The following CA1 variants were observed in gnomAD, a reference collection of about 807,000 sequenced individuals.
CA1 encodes the protein carbonic anhydrase 1, also known as carbonate dehydratase I.
A neutral mutation model predicts 28.8 loss-of-function variants in CA1; 27 were observed. That is an observed-to-expected ratio of 0.94 (90% CI 0.69 to 1.29). CA1 has a LOEUF of 1.29. CA1 is among the 50% of genes most tolerant of loss of function. CA1 has a pLI of 0.00. For missense variants in CA1, 335 were observed against 310.5 expected, an observed-to-expected ratio of 1.08 and a Z score of -0.59; for synonymous variants, 121 against 108.8, an observed-to-expected ratio of 1.11 and a Z score of -0.70.
chr8:85,330,452 ACT>A (rs1168886185), intron 6 of CA1, among the ~76,000 whole-genome samples: 2 of 151,980 alleles, frequency 1.3e-5, no homozygotes, highest in African/African-American at 4.8e-5. Context: ...CATAATATGT[ACT>A]CTTTCATTAT....
intron 1 of CA1, among the ~76,000 whole-genome samples, chr8:85,369,755 C>T (rs1410248943): frequency 6.6e-6 from 1 of 151,828 alleles, no homozygotes; most frequent in Non-Finnish European, 1.5e-5. Context: ...GGAACCCTGG[C>T]ACTATGGTGG....
chr8:85,368,590 T>A (rs1810101431), intron 1 of CA1, among the ~76,000 whole-genome samples: 1 of 152,210 alleles, frequency 6.6e-6, no homozygotes, highest in African/African-American at 2.4e-5. Context: ...TTTTAATGAT[T>A]GTTTCATTGT....
chr8:85,373,020 T>G (rs1210267011), intron 1 of CA1, among the ~76,000 whole-genome samples: 4 of 152,196 alleles, frequency 2.6e-5, no homozygotes, highest in Admixed American at 2.6e-4. Flanking sequence ...AGTGAAAATT[T>G]GAAAGCTCTT....
At chr8:85,370,992 A>T (rs1810201897) in intron 1 of CA1, among the ~76,000 whole-genome samples, 1 of 152,202 alleles carries the variant, frequency 6.6e-6, no homozygotes, top group Non-Finnish European at 1.5e-5. Context: ...TGCATTTAAC[A>T]TATGACACAG....
chr8:85,372,913 A>T (rs886629947), intron 1 of CA1, among the ~76,000 whole-genome samples: 1 of 152,154 alleles, frequency 6.6e-6, no homozygotes, highest in African/African-American at 2.4e-5. Context: ...CTTGTGTTCA[A>T]GTAACCCTTA....
chr8:85,335,331 T>A (rs1808603077), intron 4 of CA1, among the ~76,000 whole-genome samples: 1 of 152,158 alleles, frequency 6.6e-6, no homozygotes. Context: ...ACATGCAACA[T>A]GAAAGGTGCT....
chr8:85,350,582 C>T (rs1418792409), intron 1 of CA1, among the ~76,000 whole-genome samples: 1 of 152,178 alleles, frequency 6.6e-6, no homozygotes, highest in African/African-American at 2.4e-5. Context: ...CTTTGTGCAA[C>T]TGCCTGAGGG....
chr8:85,361,071 A>G (rs1585957323), intron 1 of CA1, among the ~76,000 whole-genome samples: 2 of 152,098 alleles, frequency 1.3e-5, no homozygotes, highest in East Asian at 1.9e-4. Context: ...TGAGAACTGG[A>G]CCTTAGAGGC....
intron 1 of CA1, among the ~76,000 whole-genome samples, chr8:85,350,605 G>A (rs938972153): frequency 3.9e-5 from 6 of 152,248 alleles, no homozygotes; most frequent in Non-Finnish European, 7.4e-5. Flanking sequence ...GCAAAATGAG[G>A]GGATGACATG....
intron 1 of CA1, among the ~76,000 whole-genome samples, chr8:85,350,079 A>C (rs1809347720): frequency 6.6e-6 from 1 of 152,176 alleles, no homozygotes; most frequent in African/African-American, 2.4e-5. Context: ...TCTTATTCTG[A>C]ATTTCCTGTT....
At chr8:85,347,396 C>G (rs75396359) in intron 1 of CA1, among the ~76,000 whole-genome samples, 8,370 of 152,224 alleles carry the variant, frequency 0.055, 778 homozygotes, top group African/African-American at 0.19. Context: ...AGTTAGATGA[C>G]TCCACCCTCA....
chr8:85,372,867 C>T (rs1378554886), intron 1 of CA1, among the ~76,000 whole-genome samples: 1 of 152,136 alleles, frequency 6.6e-6, no homozygotes, highest in Non-Finnish European at 1.5e-5. Context: ...TAGTAGTCTT[C>T]TCAGTTATCA....
intron 1 of CA1, among the ~76,000 whole-genome samples, chr8:85,364,653 T>C (rs1318436532): frequency 6.6e-6 from 1 of 152,216 alleles, no homozygotes; most frequent in Non-Finnish European, 1.5e-5. Context: ...GCTACACTGC[T>C]ATAATACACA....
At chr8:85,334,763 C>G (rs544096549) in intron 4 of CA1, among the ~76,000 whole-genome samples, 8 of 152,164 alleles carry the variant, frequency 5.3e-5, no homozygotes, top group African/African-American at 1.4e-4. Context: ...GAGGCCGAGG[C>G]GGGCGGATCA....
chr8:85,331,394 T>C (rs1296040975), intron 6 of CA1, among the ~76,000 whole-genome samples: 2 of 152,088 alleles, frequency 1.3e-5, no homozygotes, highest in Non-Finnish European at 1.5e-5. Context: ...AAGAATCAAC[T>C]TTTCAATTTA....
Position 85,332,501 on chromosome 8 carries a change from T to G in CA1, c.502A>C (p.Ile168Leu). 2 of 1,612,674 alleles carry G rather than the reference T, an allele frequency of 1.2e-6. No individual in the cohort carries two copies. Among genetic ancestry groups the G allele is most frequent in the Non-Finnish European group, 1.7e-6 (2 of 1,178,942 alleles). ...TTTAGTGTGTTTACCTTGGTTTTAA[T>G]TGCTTGGAGGGCATCAAGTACTTTC... ...LQKVLDALQA[I>L]KTKGKRAPFT... Residue 168 changes from isoleucine (I) to leucine (L), a missense_variant, in exon 6 of 8, where the codon ATT (isoleucine) becomes CTT (leucine). Coordinates refer to ENST00000523022, the MANE Select transcript of CA1 (RefSeq NM_001128831.4).
chr8:85,331,774 A>G (rs999910420), intron 6 of CA1, among the ~76,000 whole-genome samples: 2 of 151,628 alleles, frequency 1.3e-5, no homozygotes, highest in African/African-American at 4.8e-5. Context: ...TTTCTTTCTT[A>G]TTTTATTCTT....
intron 1 of CA1, among the ~76,000 whole-genome samples, chr8:85,372,359 T>C (rs1262685406): frequency 6.6e-6 from 1 of 152,166 alleles, no homozygotes; most frequent in Non-Finnish European, 1.5e-5. Flanking sequence ...AGAACCCTTG[T>C]GCATTTCTGG....
intron 1 of CA1, among the ~76,000 whole-genome samples, chr8:85,375,436 G>A (rs1178683154): frequency 6.6e-6 from 1 of 151,514 alleles, no homozygotes; most frequent in Non-Finnish European, 1.5e-5. Context: ...TGCCCAACTA[G>A]CACATCTAAT....
Sources: gnomAD v4.1 joint callset for allele counts (sites outside exome capture counted in the v4.1 genomes callset) on GRCh38, gnomAD v4.1.1 for gene constraint, MANE v1.5 for transcripts, NCBI Gene and HGNC (gene_info 2026-07-23, HGNC 2026-07-21) for gene names.